RAD51B: variants seen among roughly 807,000 people sequenced by gnomAD.
RAD51B encodes the protein RAD51 paralog B.
RAD51B carries 38 observed loss-of-function variants against 42.2 expected under a neutral mutation model. The observed-to-expected ratio is 0.90, with a 90% CI of 0.70 to 1.18. The LOEUF is 1.18. Among genes scored for constraint, RAD51B ranks in the 50% most tolerant of loss-of-function variants. The pLI is 0.00. For missense variants in RAD51B, 373 were observed against 400.7 expected, an observed-to-expected ratio of 0.93 and a Z score of 0.59; for synonymous variants, 154 against 145.2, an observed-to-expected ratio of 1.06 and a Z score of -0.43.
In RAD51B at chr14:68,625,842, G is replaced by GGTTT. The variant is rs1566958522; in HGVS notation, c.1037-24939_1037-24938insGTTT. Among the ~76,000 whole-genome samples the GGTTT allele has an allele frequency of 2.6e-4, 40 of 152,226 alleles. 1 individual carries two copies. The highest frequency in any genetic ancestry group is 8.9e-4 in the African/African-American group (37 of 41,544). On this transcript the variant is annotated intron_variant, in intron 10 of 11. Transcript: ENST00000488612. Reference sequence around the variant, plus strand: ...TTTAGCTCTTCTTTGGGTTTCCAGGGCTGCCCCGCAAGAAGCAAATCTAAG... The same window carrying GGTTT: ...TTTAGCTCTTCTTTGGGTTTCCAGGGGTTTCTGCCCCGCAAGAAGCAAATCTAAG...
At chr14:68,591,049 G>C (rs956957280) in intron 10 of RAD51B, among the ~76,000 whole-genome samples, 2 of 152,178 alleles carry the variant, frequency 1.3e-5, no homozygotes, top group Non-Finnish European at 2.9e-5. Flanking sequence ...CATCTCACTA[G>C]TGACTCTTTT....
intron 7 of RAD51B, among the ~76,000 whole-genome samples, chr14:67,919,721 T>C (rs1285811233): frequency 6.6e-6 from 1 of 152,198 alleles, no homozygotes. Flanking sequence ...TTTTCTCTTG[T>C]TAATCTGCCT....
intron 5 of RAD51B, 109 bp from the exon 6 acceptor site, chr14:67,885,760 T>C: frequency 7.2e-7 from 1 of 1,389,548 alleles, no homozygotes; most frequent in African/African-American, 1.5e-5. Context: ...TTATACCTGC[T>C]CTATTGATAA....
intron 7 of RAD51B, among the ~76,000 whole-genome samples, chr14:68,171,903 C>T (rs1182752564): frequency 6.6e-6 from 1 of 151,986 alleles, no homozygotes; most frequent in Non-Finnish European, 1.5e-5. Context: ...TACAAGGTTT[C>T]ACCATGTTGG....
intron 10 of RAD51B, among the ~76,000 whole-genome samples, chr14:68,602,790 C>T (rs1011661492): frequency 5.9e-5 from 9 of 152,258 alleles, no homozygotes; most frequent in Non-Finnish European, 1.2e-4. Flanking sequence ...TAATATTTGA[C>T]GAGATATCCG....
intron 9 of RAD51B, among the ~76,000 whole-genome samples, chr14:68,430,771 G>T (rs1167867495): frequency 6.6e-6 from 1 of 152,016 alleles, no homozygotes; most frequent in Admixed American, 6.5e-5. Flanking sequence ...GCCCTGGCCA[G>T]AACTTCCAAC....
intron 5 of RAD51B, among the ~76,000 whole-genome samples, chr14:67,874,872 G>C (rs1316618938): frequency 6.6e-6 from 1 of 152,136 alleles, no homozygotes; most frequent in Non-Finnish European, 1.5e-5. Context: ...ATTAGAGACA[G>C]TTACAAAAAG....
rs117863832 is a variant in RAD51B at position 68,310,156 on chromosome 14, C to A, written c.853+18176C>A. Among the ~76,000 whole-genome samples, 47 of 152,186 alleles carry A rather than the reference C, an allele frequency of 3.1e-4. No individual in the cohort carries two copies. The South Asian group carries it at 9.3e-3, about 30-fold the overall frequency. On this transcript the variant is annotated intron_variant, in intron 8 of 10. Transcript: ENST00000471583. ...CAATCAGTTGTCTGATAGACGGCTCCTGGGAAGACTGGAGAGCCTTATGAG... is the reference window on the plus strand; with the variant it reads ...CAATCAGTTGTCTGATAGACGGCTCATGGGAAGACTGGAGAGCCTTATGAG...
At chr14:68,654,415 G>A (rs1199823625) in intron 11 of RAD51B, among the ~76,000 whole-genome samples, 1 of 152,214 alleles carries the variant, frequency 6.6e-6, no homozygotes, top group African/African-American at 2.4e-5. Context: ...TCAGGCTCAT[G>A]GGAGATGTCT....
At chr14:68,143,724 T>G (rs1279705079) in intron 7 of RAD51B, among the ~76,000 whole-genome samples, 1 of 152,234 alleles carries the variant, frequency 6.6e-6, no homozygotes, top group Admixed American at 6.5e-5. Context: ...ATACTCTGCC[T>G]GTTGCTTTCT....
chr14:67,825,483 C>T lies in RAD51B; in HGVS notation c.104C>T (p.Pro35Leu), dbSNP rs1344776272. The T allele has an allele frequency of 1.9e-6, 3 of 1,612,428 alleles. No individual in the cohort carries two copies. Among genetic ancestry groups the T allele is most frequent in the African/African-American group, 2.7e-5 (2 of 74,794 alleles). ...CTTTAGGACTTTTTATGTCTTTCCC[C>T]ACTGGAGCTTATGAAGGTGACTGGT... ...LTCQDFLCLS[P>L]LELMKVTGLS... The change falls in exon 3 of 11, where the codon CCA (proline) becomes CTA (leucine). Residue 35 changes from proline (P) to leucine (L), a missense_variant. Pro to Leu is a moderately conservative substitution (Grantham distance 98). Coordinates refer to ENST00000471583, the MANE Select transcript of RAD51B (RefSeq NM_133510.4).
intron 7 of RAD51B, among the ~76,000 whole-genome samples, chr14:68,283,200 A>G (rs1025333794): frequency 7.2e-5 from 11 of 152,202 alleles, no homozygotes; most frequent in African/African-American, 2.4e-4. Flanking sequence ...CATGAATAGA[A>G]AGCACCACAG....
At chr14:68,074,379 G>A (rs1360188187) in intron 7 of RAD51B, among the ~76,000 whole-genome samples, 1 of 152,084 alleles carries the variant, frequency 6.6e-6, no homozygotes, top group Non-Finnish European at 1.5e-5. Context: ...TATCATCTCA[G>A]TTTGTTTCTT....
chr14:67,989,635 C>CAAAAAAAAAAAAAAAAAAAA (rs764608072), intron 7 of RAD51B, among the ~76,000 whole-genome samples: 2 of 66,888 alleles, frequency 3.0e-5, no homozygotes, highest in Non-Finnish European at 5.6e-5. Flanking sequence ...AACTCTGTCT[C>CAAAAAAAAAAAAAAAAAAAA]AAAAAAAAAA....
intron 7 of RAD51B, among the ~76,000 whole-genome samples, chr14:67,968,345 C>T (rs2074828379): frequency 1.3e-5 from 2 of 152,256 alleles, no homozygotes; most frequent in South Asian, 4.1e-4. Flanking sequence ...CAAATTTCTG[C>T]AGCCAGCTTG....
downstream of RAD51B, among the ~76,000 whole-genome samples, chr14:68,615,624 C>A (rs1389201347): frequency 2.0e-5 from 3 of 152,178 alleles, no homozygotes; most frequent in Admixed American, 6.5e-5. Context: ...GGATTACAGG[C>A]GTGAGCCACT....
chr14:68,633,255 A>C (rs1405479363), intron 10 of RAD51B, among the ~76,000 whole-genome samples: 1 of 151,918 alleles, frequency 6.6e-6, no homozygotes, highest in Non-Finnish European at 1.5e-5. Flanking sequence ...CCCAGAGTCC[A>C]CTTGACAGAA....
At position 68,461,246 on chromosome 14, in the gene RAD51B, G is replaced by A. The variant is rs144549785; in HGVS notation, c.958-6926G>A. ...ATGAAGGGCAGAATGAAGACTGCCAGTGTGGAAGCTTGCGAACAGCTGAGG... is the reference window on the plus strand; with the variant it reads ...ATGAAGGGCAGAATGAAGACTGCCAATGTGGAAGCTTGCGAACAGCTGAGG... On this transcript the variant is annotated intron_variant, in intron 9 of 10. Coordinates refer to ENST00000471583, the MANE Select transcript of RAD51B (RefSeq NM_133510.4). Among the ~76,000 whole-genome samples the A allele has an allele frequency of 2.1e-4, 31 of 151,154 alleles. No homozygotes were observed. The East Asian group carries it at 6.1e-3, about 30-fold the overall frequency.
At chr14:67,857,487 T>C (rs186629850) in intron 4 of RAD51B, among the ~76,000 whole-genome samples, 39 of 152,318 alleles carry the variant, frequency 2.6e-4, no homozygotes, top group Admixed American at 1.1e-3. Flanking sequence ...TCTTTAAAGA[T>C]AGAATAGTAA....
Sources: allele counts gnomAD v4.1 joint callset (sites outside exome capture counted in the v4.1 genomes callset), GRCh38; gene constraint gnomAD v4.1.1; transcripts MANE v1.5; gene names NCBI Gene and HGNC (gene_info 2026-07-23, HGNC 2026-07-21).